The following PDCD6 variants were observed in gnomAD, a reference collection of about 807,000 sequenced individuals.
PDCD6 encodes programmed cell death 6, also known as programmed cell death protein 6.
Under a neutral mutation model 28.3 loss-of-function variants are expected in PDCD6, and 12 were observed. The observed-to-expected ratio is 0.42, with a 90% CI of 0.27 to 0.69. The LOEUF (loss-of-function observed/expected upper bound fraction) is 0.69, where lower values mean the gene tolerates loss of function less well. Among genes scored for constraint, PDCD6 ranks in the 30% least tolerant of loss-of-function variants. The pLI, the probability that PDCD6 is intolerant of heterozygous loss-of-function variation, is 0.22. For synonymous variants in PDCD6, 92 were observed against 108.0 expected (o/e 0.85, Z 0.92); for missense variants, 226 against 269.9 (o/e 0.84, Z 1.14).
At chr5:284,410 C>T (rs59284383) in intron 2 of PDCD6, among the ~76,000 whole-genome samples, 1 of 152,080 alleles carries the variant, frequency 6.6e-6, no homozygotes, top group Non-Finnish European at 1.5e-5. Context: ...AGCTGATGTT[C>T]CAATTTGAGG....
intron 2 of PDCD6, among the ~76,000 whole-genome samples, chr5:297,725 C>T (rs1197102001): frequency 6.6e-6 from 1 of 152,212 alleles, no homozygotes; most frequent in African/African-American, 2.4e-5. Context: ...TCCTGGTGAA[C>T]ACACACCCTG....
chr5:290,018 G>A lies in PDCD6; in HGVS notation c.164-14159G>A, dbSNP rs566274511. The A allele has an allele frequency of 1.3e-5, 20 of 1,597,902 alleles. No homozygotes were observed. In the African/African-American group the frequency reaches 1.5e-4, roughly 12 times the overall value. ...GGATCTGTTAACAATTCACATAGTC[G>A]CTGAATAGTAAAAGGGATACTGTTA... On this transcript the variant is annotated intron_variant, in intron 2 of 5. Coordinates refer to ENST00000264933, the MANE Select transcript of PDCD6 (RefSeq NM_013232.4).
chr5:313,872 A>C, intron 5 of PDCD6: 1 of 156,508 alleles, frequency 6.4e-6, no homozygotes, highest in Non-Finnish European at 1.4e-5. Context: ...TTGAAGTGTC[A>C]CTTACTTAAC....
In PDCD6 at chr5:271,676, C is replaced by T. The variant is rs764144232; in HGVS notation, c.-45C>T. 1.8e-5 allele frequency: 21 copies of T among 1,165,752 alleles called. No individual in the cohort carries two copies. Among genetic ancestry groups the T allele is most frequent in the Middle Eastern group, 1.9e-4 (1 of 5,312 alleles). The allele number at this position is 1,165,752 out of a possible 1,614,324, so 72.2% of individuals were successfully genotyped here. On this transcript the variant is annotated 5_prime_UTR_variant, in exon 1 of 6. Coordinates refer to ENST00000264933, the MANE Select transcript of PDCD6 (RefSeq NM_013232.4). ...CGGAAGCGGAGTCGGCCTGAGAGGT[C>T]TCTCGTCGCTGCAGGCGCCTCAGCC...
At chr5:283,243 G>A (rs1738705128) in intron 2 of PDCD6, among the ~76,000 whole-genome samples, 1 of 151,288 alleles carries the variant, frequency 6.6e-6, no homozygotes, top group African/African-American at 2.4e-5. Flanking sequence ...GTTGTAGTTT[G>A]AGGGTCATGC....
At chr5:310,774 A>G (rs1315639612) in intron 4 of PDCD6, 1 of 158,910 alleles carries the variant, frequency 6.3e-6, no homozygotes, top group East Asian at 1.9e-4. Context: ...AGCCACTCCC[A>G]TTTCCTGACA....
chr5:296,437 C>G (rs150255025), intron 2 of PDCD6, among the ~76,000 whole-genome samples: 1 of 152,162 alleles, frequency 6.6e-6, no homozygotes, highest in East Asian at 1.9e-4. Flanking sequence ...ACTGTTTGCA[C>G]AGACCTAAGT....
rs1232347701 is a variant in PDCD6 at position 314,594 on chromosome 5, C to G, written c.*79C>G. ...TTCCTATCTGTGAGGGAATGGAGCA[C>G]AGGTGCAGTTAGATGCTGTTCTTCC... On this transcript the variant is annotated 3_prime_UTR_variant, in exon 6 of 6. Transcript: ENST00000264933. 9 of 1,000,186 alleles carry G rather than the reference C, an allele frequency of 9.0e-6. No homozygotes were observed. The highest frequency in any genetic ancestry group is 9.5e-6 in the Non-Finnish European group (6 of 629,664). The allele number at this position is 1,000,186 out of a possible 1,614,324, so 62.0% of individuals were successfully genotyped here. A position where few individuals can be genotyped will look rare whatever the true frequency, so the allele number is the denominator to read the frequency against.
At chr5:296,985 G>T (rs529005336) in intron 2 of PDCD6, among the ~76,000 whole-genome samples, 1 of 152,192 alleles carries the variant, frequency 6.6e-6, no homozygotes, top group South Asian at 2.1e-4. Flanking sequence ...CACGCACACC[G>T]TGCTGGTCTG....
At chr5:283,508 G>T (rs1472802626) in intron 2 of PDCD6, among the ~76,000 whole-genome samples, 28 of 151,306 alleles carry the variant, frequency 1.9e-4, no homozygotes, top group African/African-American at 6.6e-4. Context: ...GACCCGTAGA[G>T]GAGCTGATGT....
At chr5:283,517 G>T (rs1436333252) in intron 2 of PDCD6, among the ~76,000 whole-genome samples, 1 of 152,162 alleles carries the variant, frequency 6.6e-6, no homozygotes, top group Non-Finnish European at 1.5e-5. Context: ...AGGAGCTGAT[G>T]TTCTAGATTG....
chr5:286,613 G>T (rs55833259), intron 2 of PDCD6, among the ~76,000 whole-genome samples: 3 of 151,706 alleles, frequency 2.0e-5, no homozygotes, highest in Non-Finnish European at 4.4e-5. Context: ...AGCCTGCGGG[G>T]ATCTGATGTT....
chr5:298,941 C>T (rs1225467427), intron 2 of PDCD6, among the ~76,000 whole-genome samples: 1 of 41,618 alleles, frequency 2.4e-5, no homozygotes, highest in Non-Finnish European at 5.3e-5. Context: ...TCAGCTACTC[C>T]CACCCAGCTG....
intron 2 of PDCD6, among the ~76,000 whole-genome samples, chr5:273,936 T>A (rs61118108): frequency 8.4e-5 from 1 of 11,880 alleles, no homozygotes; most frequent in Non-Finnish European, 2.5e-4. Context: ...TAAATCCTCG[T>A]TTTTTTTTTT....
chr5:282,912 GA>G (rs1738682558), intron 2 of PDCD6, among the ~76,000 whole-genome samples: 1 of 152,068 alleles, frequency 6.6e-6, no homozygotes, highest in Non-Finnish European at 1.5e-5. Context: ...GTTCTAGTTT[GA>G]GGGTCGTGCA....
At chr5:306,562 A>G in intron 3 of PDCD6, 40 bp from the exon 4 acceptor site, 2 of 1,606,744 alleles carry the variant, frequency 1.2e-6, no homozygotes, top group Non-Finnish European at 1.7e-6. Context: ...AGTTTGCTGC[A>G]ACTGATCTTT....
At chr5:278,932 C>G (rs1376106886) in intron 2 of PDCD6, among the ~76,000 whole-genome samples, 1 of 151,816 alleles carries the variant, frequency 6.6e-6, no homozygotes, top group African/African-American at 2.4e-5. Context: ...CCACAGTTCT[C>G]TGCCCCTCTC....
At chr5:284,751 G>A (rs1353710650) in intron 2 of PDCD6, among the ~76,000 whole-genome samples, 4 of 151,088 alleles carry the variant, frequency 2.6e-5, no homozygotes, top group South Asian at 2.1e-4. Context: ...TGGAGACACC[G>A]CGGGGAGCTC....
intron 2 of PDCD6, among the ~76,000 whole-genome samples, chr5:274,800 C>G (rs1738079910): frequency 6.6e-6 from 1 of 151,976 alleles, no homozygotes. Flanking sequence ...TAGTCCTGCC[C>G]CAGTTCAGCT....
Sources: gnomAD v4.1 joint callset for allele counts (sites outside exome capture counted in the v4.1 genomes callset) on GRCh38, gnomAD v4.1.1 for gene constraint, MANE v1.5 for transcripts, NCBI Gene and HGNC (gene_info 2026-07-23, HGNC 2026-07-21) for gene names.